The following KCNB2 variants were observed in gnomAD, a reference collection of about 807,000 sequenced individuals.
The protein encoded by KCNB2 is potassium voltage-gated channel subfamily B member 2.
A neutral mutation model predicts 61.5 loss-of-function variants in KCNB2; 15 were observed. That is an observed-to-expected ratio of 0.24 (90% confidence interval 0.16 to 0.38). The LOEUF (loss-of-function observed/expected upper bound fraction) is 0.38. KCNB2 is among the 10% of genes least tolerant of loss of function. The probability of loss-of-function intolerance (pLI) is 1.00; values close to 1 mark genes in which losing one functional copy is unlikely to be tolerated. For missense variants in KCNB2, 828 were observed against 1,125.2 expected (o/e 0.74, Z 3.78); for synonymous variants, 457 against 446.0 (o/e 1.02, Z -0.31).
intron 2 of KCNB2, among the ~76,000 whole-genome samples, chr8:72,727,921 A>G (rs1294555580): frequency 1.3e-5 from 2 of 152,214 alleles, no homozygotes; most frequent in Non-Finnish European, 2.9e-5. Context: ...GCAATACGGC[A>G]CATTTTTCCA....
intron 2 of KCNB2, among the ~76,000 whole-genome samples, chr8:72,872,051 G>A (rs1805627067): frequency 6.6e-6 from 1 of 152,174 alleles, no homozygotes; most frequent in Non-Finnish European, 1.5e-5. Flanking sequence ...GCCTTAGAGA[G>A]TGGCCCTTCC....
At chr8:72,828,698 T>C (rs1409725189) in intron 2 of KCNB2, among the ~76,000 whole-genome samples, 1 of 152,232 alleles carries the variant, frequency 6.6e-6, no homozygotes, top group Admixed American at 6.5e-5. Flanking sequence ...ATCATTCATT[T>C]TCCAAGCCGT....
chr8:72,906,787 T>C (rs1806185268), intron 2 of KCNB2, among the ~76,000 whole-genome samples: 2 of 152,192 alleles, frequency 1.3e-5, no homozygotes, highest in Non-Finnish European at 2.9e-5. Flanking sequence ...AGTTGTGACC[T>C]TGTATTACCT....
intron 2 of KCNB2, among the ~76,000 whole-genome samples, chr8:72,728,519 A>G (rs1349458100): frequency 6.6e-6 from 1 of 152,182 alleles, no homozygotes; most frequent in Non-Finnish European, 1.5e-5. Context: ...ATTATGTTTC[A>G]AGCACCATAC....
chr8:72,929,225 C>A lies in KCNB2; in HGVS notation c.580-6710C>A, dbSNP rs115880245. On this transcript the variant is annotated intron_variant, in intron 2 of 2. Coordinates refer to ENST00000523207, the MANE Select transcript of KCNB2 (RefSeq NM_004770.3). The stretch of plus-strand genomic sequence containing the variant: ...TCCTGTGCTTCTTTCCACCACAAAA[C>A]GTCCATTATCTTCAAAGGACTAAAA... Among the ~76,000 whole-genome samples the A allele has an allele frequency of 3.1e-3, 467 of 152,236 alleles. 2 individuals carry two copies. The highest frequency in any genetic ancestry group is 0.011 in the African/African-American group (438 of 41,546).
intron 2 of KCNB2, among the ~76,000 whole-genome samples, chr8:72,848,424 A>G (rs1241623752): frequency 6.6e-6 from 1 of 151,926 alleles, no homozygotes; most frequent in Non-Finnish European, 1.5e-5. Context: ...TCAATTTATT[A>G]TTTGTAAAGA....
intron 2 of KCNB2, among the ~76,000 whole-genome samples, chr8:72,615,134 G>A (rs186599914): frequency 8.9e-4 from 135 of 152,326 alleles, no homozygotes; most frequent in African/African-American, 2.9e-3. Flanking sequence ...ATGGAGCTCC[G>A]TAGACCTGAA....
At chr8:72,681,454 A>G (rs1196349320) in intron 2 of KCNB2, among the ~76,000 whole-genome samples, 1 of 152,120 alleles carries the variant, frequency 6.6e-6, no homozygotes, top group Non-Finnish European at 1.5e-5. Flanking sequence ...CCATCTTCAC[A>G]TCTTGTCCTT....
intron 2 of KCNB2, among the ~76,000 whole-genome samples, chr8:72,811,150 G>A (rs1809300111): frequency 8.0e-6 from 1 of 124,980 alleles, no homozygotes; most frequent in Non-Finnish European, 1.6e-5. Flanking sequence ...ATATGGAAGG[G>A]ATTTCTTTTT....
chr8:72,754,642 T>G (rs899348135), intron 2 of KCNB2, among the ~76,000 whole-genome samples: 3 of 152,228 alleles, frequency 2.0e-5, no homozygotes, highest in Non-Finnish European at 2.9e-5. Context: ...GAGTAAAATT[T>G]ATAACTGTTA....
intron 2 of KCNB2, among the ~76,000 whole-genome samples, chr8:72,902,518 G>A (rs916120790): frequency 6.6e-6 from 1 of 151,978 alleles, no homozygotes; most frequent in Non-Finnish European, 1.5e-5. Flanking sequence ...GCATTAGAAG[G>A]GTATGCTACA....
intron 2 of KCNB2, among the ~76,000 whole-genome samples, chr8:72,644,247 AC>A (rs1048218180): frequency 2.2e-4 from 33 of 150,326 alleles, no homozygotes; most frequent in South Asian, 4.2e-4. Context: ...TAAAAAGTTC[AC>A]CCCCCCCTTC....
rs529115479 is a variant in KCNB2, at chr8:72,587,297, G to C, written c.579+18984G>C. Among the ~76,000 whole-genome samples the C allele has an allele frequency of 9.0e-4, 137 of 152,046 alleles. 1 individual carries two copies. Among genetic ancestry groups the C allele is most frequent in the Admixed American group, 1.9e-3 (29 of 15,264 alleles). On this transcript the variant is annotated intron_variant, in intron 2 of 2. Coordinates refer to ENST00000523207, the MANE Select transcript of KCNB2 (RefSeq NM_004770.3). ...AAGCTTCTTGAAGACAGGGAGTATA[G>C]CTCTTAGCTGATGATTTCCAGCTCC...
At chr8:72,620,134 C>T (rs1805693248) in intron 2 of KCNB2, among the ~76,000 whole-genome samples, 2 of 152,104 alleles carry the variant, frequency 1.3e-5, no homozygotes, top group South Asian at 4.2e-4. Flanking sequence ...TTAAAAATAC[C>T]TCTTCCAAAA....
chr8:72,548,817 T>C (rs1806301024), intron 1 of KCNB2, among the ~76,000 whole-genome samples: 1 of 152,236 alleles, frequency 6.6e-6, no homozygotes, highest in Non-Finnish European at 1.5e-5. Flanking sequence ...AGCTGTTTCA[T>C]TCCTTTGTTC....
chr8:72,686,361 T>C (rs74304846), intron 2 of KCNB2, among the ~76,000 whole-genome samples: 11 of 152,252 alleles, frequency 7.2e-5, no homozygotes, highest in African/African-American at 2.2e-4. Flanking sequence ...TGGATATTTT[T>C]TTTTGAAACA....
chr8:72,718,072 A>G (rs1807477112), intron 2 of KCNB2, among the ~76,000 whole-genome samples: 2 of 152,172 alleles, frequency 1.3e-5, no homozygotes, highest in Admixed American at 6.5e-5. Flanking sequence ...AATGCTCATC[A>G]TCACTGGCCA....
intron 2 of KCNB2, among the ~76,000 whole-genome samples, chr8:72,755,794 C>G (rs1008730841): frequency 6.6e-6 from 1 of 152,166 alleles, no homozygotes; most frequent in Non-Finnish European, 1.5e-5. Context: ...GAGAAACTTT[C>G]CATTCTTGAA....
chr8:72,847,492 T>C (rs1194968199), intron 2 of KCNB2, among the ~76,000 whole-genome samples: 1 of 152,254 alleles, frequency 6.6e-6, no homozygotes, highest in East Asian at 1.9e-4. Flanking sequence ...TTTAGCTGTT[T>C]GGTTTCCCAG....
Sources: gnomAD v4.1 joint callset for allele counts (sites outside exome capture counted in the v4.1 genomes callset) on GRCh38, gnomAD v4.1.1 for gene constraint, MANE v1.5 for transcripts, NCBI Gene and HGNC (gene_info 2026-07-23, HGNC 2026-07-21) for gene names.